The following LPP variants were observed in gnomAD, a reference collection of about 807,000 sequenced individuals.
LPP encodes LIM domain containing preferred translocation partner in lipoma, also known as lipoma-preferred partner.
Under a neutral mutation model 60.4 loss-of-function variants are expected in LPP, and 38 were observed. The observed-to-expected ratio is 0.63, with a 90% CI of 0.49 to 0.83. The LOEUF (loss-of-function observed/expected upper bound fraction) is 0.83, where lower values mean the gene tolerates loss of function less well. LPP is among the 40% of genes least tolerant of loss of function. LPP has a pLI of 0.00. For synonymous variants in LPP, 328 were observed against 290.8 expected (o/e 1.13, Z -1.30); for missense variants, 902 against 783.6 (o/e 1.15, Z -1.80).
intron 7 of LPP, among the ~76,000 whole-genome samples, chr3:188,631,972 T>C (rs1334501778): frequency 3.3e-5 from 5 of 152,148 alleles, no homozygotes; most frequent in Admixed American, 1.3e-4. Context: ...AGAAGAACCA[T>C]AGTGAACATA....
chr3:188,637,606 T>C (rs1479755130), intron 7 of LPP, among the ~76,000 whole-genome samples: 2 of 151,382 alleles, frequency 1.3e-5, no homozygotes, highest in African/African-American at 4.9e-5. Context: ...ACAAAATTGA[T>C]AGACCGCTAG....
intron 9 of LPP, among the ~76,000 whole-genome samples, chr3:188,795,651 A>G (rs1449887444): frequency 6.6e-6 from 1 of 152,190 alleles, no homozygotes; most frequent in Non-Finnish European, 1.5e-5. Flanking sequence ...AAGAAGAGGA[A>G]TTAGTTTGGT....
chr3:188,368,719 C>CACACACACAGAG (rs1257085181), intron 3 of LPP, among the ~76,000 whole-genome samples: 115 of 99,642 alleles, frequency 1.2e-3, no homozygotes, highest in East Asian at 3.4e-3. Flanking sequence ...CACACACACA[C>CACACACACAGAG]AGAGAGAGAG....
At chr3:188,530,105 T>C (rs1821742082) in intron 6 of LPP, among the ~76,000 whole-genome samples, 1 of 152,058 alleles carries the variant, frequency 6.6e-6, no homozygotes, top group Admixed American at 6.5e-5. Context: ...ATTTGAAGAA[T>C]AAGTTTGTCT....
At chr3:188,258,925 G>C (rs1303641614) in intron 2 of LPP, among the ~76,000 whole-genome samples, 1 of 152,144 alleles carries the variant, frequency 6.6e-6, no homozygotes, top group Non-Finnish European at 1.5e-5. Flanking sequence ...GATGGACACA[G>C]ATGCTGAATT....
chr3:188,343,142 G>A (rs1578210185), intron 3 of LPP, among the ~76,000 whole-genome samples: 3 of 152,070 alleles, frequency 2.0e-5, no homozygotes, highest in Non-Finnish European at 4.4e-5. Flanking sequence ...AGCACCGCAT[G>A]CATTAGGTAT....
chr3:188,765,144 C>CT (rs1733605212), intron 9 of LPP, among the ~76,000 whole-genome samples: 1 of 152,100 alleles, frequency 6.6e-6, no homozygotes, highest in Non-Finnish European at 1.5e-5. Context: ...ATGGCCAGTG[C>CT]TTTATGTGGA....
intron 9 of LPP, among the ~76,000 whole-genome samples, chr3:188,790,186 G>A (rs952743352): frequency 6.6e-6 from 1 of 152,052 alleles, no homozygotes; most frequent in African/African-American, 2.4e-5. Context: ...TAACATGGAG[G>A]CTATCAGAAA....
intron 1 of LPP, among the ~76,000 whole-genome samples, chr3:188,166,747 CA>C (rs1245862492): frequency 1.3e-5 from 2 of 152,204 alleles, no homozygotes; most frequent in African/African-American, 4.8e-5. Context: ...TGTTCATATT[CA>C]TATCCACAGC....
At chr3:188,466,383 C>T (rs540397344) in intron 4 of LPP, among the ~76,000 whole-genome samples, 1 of 152,186 alleles carries the variant, frequency 6.6e-6, no homozygotes, top group Admixed American at 6.6e-5. Flanking sequence ...GCCTTAGTCT[C>T]TTATTGCCAT....
Position 188,374,634 on chromosome 3 carries a change from C to T in LPP, c.-9-31478C>T, listed in dbSNP as rs185033018. On this transcript the variant is annotated intron_variant, in intron 3 of 11. Transcript: ENST00000617246. ...GAGATGATGGGGTTTTCTAGATATA[C>T]AATCATGTCGTCTGCAAACAGGGCC... Among the ~76,000 whole-genome samples, 6 of 152,278 alleles carry T rather than the reference C, an allele frequency of 3.9e-5. 1 individual carries two copies. The highest frequency in any genetic ancestry group is 1.4e-4 in the African/African-American group (6 of 41,558).
intron 6 of LPP, among the ~76,000 whole-genome samples, chr3:188,580,555 T>C (rs1454805191): frequency 6.6e-6 from 1 of 152,218 alleles, no homozygotes; most frequent in Non-Finnish European, 1.5e-5. Flanking sequence ...TCTCAGCTTA[T>C]ACTAGGAAGG....
intron 5 of LPP, among the ~76,000 whole-genome samples, chr3:188,522,964 G>T (rs1484865371): frequency 6.6e-6 from 1 of 151,810 alleles, no homozygotes; most frequent in Non-Finnish European, 1.5e-5. Context: ...CTGGAGTGCA[G>T]TGGTACGATC....
chr3:188,585,665 G>A (rs1198507733), intron 6 of LPP, among the ~76,000 whole-genome samples: 2 of 152,176 alleles, frequency 1.3e-5, no homozygotes, highest in Non-Finnish European at 2.9e-5. Context: ...AGTTGAAAAC[G>A]TCAAAACCAT....
chr3:188,273,589 C>CTTTTTTTTTTTTTTTTT, intron 2 of LPP, among the ~76,000 whole-genome samples: 1 of 80,422 alleles, frequency 1.2e-5, no homozygotes, highest in South Asian at 5.4e-4. Flanking sequence ...TATTTTATAT[C>CTTTTTTTTTTTTTTTTT]TTTTTTTTTT....
Position 188,880,121 on chromosome 3 carries a change from C to T in LPP, c.*5642C>T. Reference sequence around the variant, plus strand: ...TCTCCTCTCACTGCAAGCTCCGCCTCCCAGGTTCACGCCATTCTCCTGTCT... The same window carrying T: ...TCTCCTCTCACTGCAAGCTCCGCCTTCCAGGTTCACGCCATTCTCCTGTCT... On this transcript the variant is annotated 3_prime_UTR_variant, in exon 12 of 12. Transcript: ENST00000617246. 6.1e-6 allele frequency: 1 copy of T among 162,634 alleles called. No homozygotes were observed. The highest frequency in any genetic ancestry group is 6.5e-5 in the Admixed American group (1 of 15,368). 10.1% of individuals were successfully genotyped at this position (162,634 alleles called of 1,614,324 possible).
At chr3:188,595,281 T>A (rs1194455506) in intron 6 of LPP, among the ~76,000 whole-genome samples, 1 of 149,406 alleles carries the variant, frequency 6.7e-6, no homozygotes, top group African/African-American at 2.4e-5. Flanking sequence ...AATATTTATC[T>A]TTGAATTTGT....
intron 5 of LPP, among the ~76,000 whole-genome samples, chr3:188,502,864 T>C (rs2149894966): frequency 6.6e-6 from 1 of 152,284 alleles, no homozygotes; most frequent in East Asian, 1.9e-4. Context: ...TTATCTTATG[T>C]ATTTTATTGT....
chr3:188,581,651 C>A (rs559336968), intron 6 of LPP, among the ~76,000 whole-genome samples: 1 of 152,080 alleles, frequency 6.6e-6, no homozygotes, highest in African/African-American at 2.4e-5. Context: ...TCATCTGTAA[C>A]TCTCATCTCC....
Sources: allele counts gnomAD v4.1 joint callset (sites outside exome capture counted in the v4.1 genomes callset), GRCh38; gene constraint gnomAD v4.1.1; transcripts MANE v1.5; gene names NCBI Gene and HGNC (gene_info 2026-07-23, HGNC 2026-07-21).